Variants in RBFOX1 observed in about 807,000 individuals in gnomAD.
RBFOX1 encodes RNA binding fox-1 homolog 1, also known as RNA binding protein fox-1 homolog 1.
Under a neutral mutation model 57.7 loss-of-function variants are expected in RBFOX1, and 8 were observed. The observed-to-expected ratio is 0.14, with a 90% CI of 0.08 to 0.25. RBFOX1 has a LOEUF of 0.25. RBFOX1 is among the 10% of genes least tolerant of loss of function. The pLI is 1.00. For missense variants in RBFOX1, 611 were observed against 548.5 expected, an observed-to-expected ratio of 1.11 and a Z score of -1.14; for synonymous variants, 326 against 222.4, an observed-to-expected ratio of 1.47 and a Z score of -4.15.
At chr16:7,592,046 C>T (rs2094468773) in intron 7 of RBFOX1, among the ~76,000 whole-genome samples, 1 of 151,982 alleles carries the variant, frequency 6.6e-6, no homozygotes, top group Non-Finnish European at 1.5e-5. Context: ...CATGCCACTT[C>T]TTGTCTGGGT....
intron 3 of RBFOX1, among the ~76,000 whole-genome samples, chr16:6,949,314 G>C (rs2080214156): frequency 6.6e-6 from 1 of 152,334 alleles, no homozygotes; most frequent in Admixed American, 6.5e-5. Context: ...GTACCAGTTA[G>C]TTTTCAATCT....
At chr16:6,914,183 C>T (rs779778022) in intron 3 of RBFOX1, among the ~76,000 whole-genome samples, 1 of 152,160 alleles carries the variant, frequency 6.6e-6, no homozygotes, top group Non-Finnish European at 1.5e-5. Flanking sequence ...ACCAGATCAT[C>T]ATTTCCTTCT....
At chr16:5,483,139 G>A (rs921084642) in intron 2 of RBFOX1, among the ~76,000 whole-genome samples, 4 of 152,194 alleles carry the variant, frequency 2.6e-5, no homozygotes, top group African/African-American at 7.2e-5. Context: ...CTGTGGGGTT[G>A]GGGTGGGGTT....
intron 3 of RBFOX1, among the ~76,000 whole-genome samples, chr16:6,893,402 A>T (rs2065990072): frequency 6.6e-6 from 1 of 152,208 alleles, no homozygotes; most frequent in Non-Finnish European, 1.5e-5. Flanking sequence ...TTATCCCTGT[A>T]CCATGCCTTT....
chr16:6,334,528 A>ATAAT (rs2083407681), intron 2 of RBFOX1, among the ~76,000 whole-genome samples: 1 of 147,976 alleles, frequency 6.8e-6, no homozygotes, highest in Non-Finnish European at 1.5e-5. Context: ...AAAAAAATCA[A>ATAAT]AGAAATATGC....
chr16:7,585,061 G>A (rs781567294), intron 6 of RBFOX1, among the ~76,000 whole-genome samples: 4 of 152,170 alleles, frequency 2.6e-5, no homozygotes, highest in African/African-American at 9.7e-5. Flanking sequence ...GTTGCATCGC[G>A]GTTTTGGAAG....
At chr16:7,190,614 G>T (rs948893706) in intron 4 of RBFOX1, among the ~76,000 whole-genome samples, 1 of 151,984 alleles carries the variant, frequency 6.6e-6, no homozygotes, top group Non-Finnish European at 1.5e-5. Flanking sequence ...AGGTATAGAG[G>T]GTTGGTAGAG....
chr16:6,769,538 C>G (rs944952228), intron 3 of RBFOX1, among the ~76,000 whole-genome samples: 2 of 152,226 alleles, frequency 1.3e-5, no homozygotes, highest in African/African-American at 4.8e-5. Context: ...TAATAAACAT[C>G]AGGCTGTTTC....
At chr16:7,665,720 T>G (rs2069051420) in intron 13 of RBFOX1, among the ~76,000 whole-genome samples, 1 of 152,198 alleles carries the variant, frequency 6.6e-6, no homozygotes, top group Non-Finnish European at 1.5e-5. Context: ...CAATTTTGAA[T>G]AAGTAGGCAG....
intron 3 of RBFOX1, among the ~76,000 whole-genome samples, chr16:5,798,431 T>C (rs1015435174): frequency 2.0e-5 from 3 of 152,154 alleles, no homozygotes; most frequent in Non-Finnish European, 4.4e-5. Flanking sequence ...AAAGGGTTTA[T>C]TTCCCAGGTG....
chr16:7,570,200 C>G (rs1341608839), intron 5 of RBFOX1, among the ~76,000 whole-genome samples: 10 of 144,690 alleles, frequency 6.9e-5, no homozygotes, highest in Non-Finnish European at 1.5e-5. Context: ...TCTAAGAATT[C>G]TAAAATGACG....
chr16:6,681,457 A>G (rs540488328), intron 3 of RBFOX1, among the ~76,000 whole-genome samples: 134 of 152,246 alleles, frequency 8.8e-4, no homozygotes, highest in Non-Finnish European at 1.5e-3. Flanking sequence ...AGAGTTCAGA[A>G]GTATAACCAG....
rs565596310 is a variant in RBFOX1 at position 6,896,137 on chromosome 16, G to A, written c.-15-155920G>A. On this transcript the variant is annotated intron_variant, in intron 3 of 15. Coordinates refer to ENST00000550418, the MANE Select transcript of RBFOX1 (RefSeq NM_018723.4). ...AAACTACAAATATTAGCTGGCATTG[G>A]TGGTGGGTGTCTGTAATCCCAGCTA... Among the ~76,000 whole-genome samples the A allele has an allele frequency of 2.6e-5, 4 of 152,192 alleles. No homozygotes were observed. In the East Asian group the frequency reaches 5.8e-4, roughly 22 times the overall value.
chr16:7,494,948 A>G (rs1158704181), intron 4 of RBFOX1, among the ~76,000 whole-genome samples: 1 of 151,630 alleles, frequency 6.6e-6, no homozygotes, highest in African/African-American at 2.4e-5. Context: ...ATAGAAGCCA[A>G]CAGGTAGTTT....
Position 5,849,423 on chromosome 16 carries a change from C to T in RBFOX1, c.319-17880C>T, listed in dbSNP as rs114575753. 3.5e-3 allele frequency among the ~76,000 whole-genome samples: 533 copies of T among 152,164 alleles called. 3 individuals carry two copies. The highest frequency in any genetic ancestry group is 0.012 in the African/African-American group (518 of 41,534). ...GGGGGATGTGTCTGGGGCACTGATGCATTTGCTACAATCCTCTGCTACAGA... is the reference window on the plus strand; with the variant it reads ...GGGGGATGTGTCTGGGGCACTGATGTATTTGCTACAATCCTCTGCTACAGA... On this transcript the variant is annotated intron_variant, in intron 3 of 19. Coordinates refer to the RBFOX1 transcript ENST00000641259.
intron 3 of RBFOX1, among the ~76,000 whole-genome samples, chr16:5,637,670 T>G (rs996088927): frequency 2.0e-5 from 3 of 152,222 alleles, no homozygotes; most frequent in African/African-American, 7.2e-5. Context: ...CTACTTCTGA[T>G]GAATCCAGTA....
intron 3 of RBFOX1, among the ~76,000 whole-genome samples, chr16:5,632,882 C>G (rs2048560726): frequency 6.6e-6 from 1 of 151,238 alleles, no homozygotes; most frequent in Non-Finnish European, 1.5e-5. Context: ...GCTAAGAAAA[C>G]TGGGCTGGGA....
At chr16:6,763,387 C>T (rs1198412230) in intron 3 of RBFOX1, among the ~76,000 whole-genome samples, 1 of 152,190 alleles carries the variant, frequency 6.6e-6, no homozygotes, top group Non-Finnish European at 1.5e-5. Flanking sequence ...TCCATTCCAT[C>T]AGTATTGTTT....
intron 4 of RBFOX1, among the ~76,000 whole-genome samples, chr16:5,916,009 G>T (rs1368907070): frequency 6.6e-6 from 1 of 152,126 alleles, no homozygotes; most frequent in Admixed American, 6.6e-5. Flanking sequence ...TATTTCTCCA[G>T]CCTTCACAGC....
Sources: gnomAD v4.1 joint callset for allele counts (sites outside exome capture counted in the v4.1 genomes callset) on GRCh38, gnomAD v4.1.1 for gene constraint, MANE v1.5 for transcripts, NCBI Gene and HGNC (gene_info 2026-07-23, HGNC 2026-07-21) for gene names.